The following RAB31 variants were observed in gnomAD, a reference collection of about 807,000 sequenced individuals.
RAB31 encodes the protein RAB31, member RAS oncogene family, also known as ras-related protein Rab-31.
RAB31 carries 21 observed loss-of-function variants against 25.6 expected under a neutral mutation model. That is an observed-to-expected ratio of 0.82 (90% CI 0.58 to 1.18). The LOEUF (loss-of-function observed/expected upper bound fraction) is 1.18. Ranked by LOEUF, RAB31 falls within the 50% of genes most tolerant of loss-of-function variation. The pLI is 0.00. For synonymous variants in RAB31, 87 were observed against 84.0 expected (o/e 1.04, Z -0.20); for missense variants, 196 against 250.1 (o/e 0.78, Z 1.46).
At position 9,766,725 on chromosome 18, in the gene RAB31, T is replaced by C. The variant is rs1182726019; in HGVS notation, c.40-8553T>C. ...ATCTCAGCACTTTGGGAGGCTGAGGTGGGGATCGCTTGAGGCCAGGAGTTT... is the reference window on the plus strand; with the variant it reads ...ATCTCAGCACTTTGGGAGGCTGAGGCGGGGATCGCTTGAGGCCAGGAGTTT... On this transcript the variant is annotated intron_variant, in intron 1 of 6. Transcript: ENST00000578921. This position sits in a 1 kb window ranked among gnomAD's most constrained non-coding sequence, Gnocchi z 4.3. 6.6e-6 allele frequency among the ~76,000 whole-genome samples: 1 copy of C among 151,984 alleles called. No homozygotes were observed. The highest frequency in any genetic ancestry group is 6.6e-5 in the Admixed American group (1 of 15,256).
In RAB31 at chr18:9,788,574, A is replaced by G. The variant is rs139805393; in HGVS notation, c.120-3580A>G. 5.9e-5 allele frequency among the ~76,000 whole-genome samples: 9 copies of G among 152,350 alleles called. No individual in the cohort carries two copies. In the East Asian group the frequency reaches 1.7e-3, roughly 29 times the overall value. ...TGGGTATTTATGCAAAGGAGAGTGA[A>G]TCACTATATCAAAGGGATACCTGCA... is the stretch of plus-strand genomic sequence containing the variant. On this transcript the variant is annotated intron_variant, in intron 2 of 6. Coordinates refer to ENST00000578921, the MANE Select transcript of RAB31 (RefSeq NM_006868.4).
At chr18:9,792,104 T>C (rs1726072297) in intron 2 of RAB31, 50 bp from the exon 3 acceptor site, 3 of 1,560,300 alleles carry the variant, frequency 1.9e-6, no homozygotes, top group Non-Finnish European at 2.6e-6. Flanking sequence ...TTGTGAATCT[T>C]TGTGAAGAAA....
At chr18:9,804,417 T>C (rs1204207313) in intron 3 of RAB31, among the ~76,000 whole-genome samples, 3 of 152,180 alleles carry the variant, frequency 2.0e-5, no homozygotes, top group African/African-American at 4.8e-5. Flanking sequence ...AAGTTTCCAT[T>C]CTGCCAACTC....
intron 5 of RAB31, among the ~76,000 whole-genome samples, chr18:9,829,539 T>A (rs1035864672): frequency 2.6e-5 from 4 of 152,232 alleles, no homozygotes; most frequent in African/African-American, 9.6e-5. Flanking sequence ...TGTGTAAGCA[T>A]TTCTCTGGAC....
rs1213683135 is a variant in RAB31 at position 9,766,926 on chromosome 18, C to T, written c.40-8352C>T. On this transcript the variant is annotated intron_variant, in intron 1 of 6. Coordinates refer to ENST00000578921, the MANE Select transcript of RAB31 (RefSeq NM_006868.4). This position sits in a 1 kb window ranked among gnomAD's most constrained non-coding sequence, Gnocchi z 4.3. Reference sequence around the variant, plus strand: ...GAGCCGATGTTGTGCCACTGTAATCCAGCCTGGGTGACAGAGTGAGATCTT... The same window carrying T: ...GAGCCGATGTTGTGCCACTGTAATCTAGCCTGGGTGACAGAGTGAGATCTT... Among the ~76,000 whole-genome samples the T allele has an allele frequency of 6.6e-6, 1 of 152,152 alleles. No individual in the cohort carries two copies. Among genetic ancestry groups the T allele is most frequent in the Non-Finnish European group, 1.5e-5 (1 of 68,024 alleles).
rs536517639 is a variant in RAB31 at position 9,746,000 on chromosome 18, T to C, written c.40-29278T>C. 4.1e-4 allele frequency among the ~76,000 whole-genome samples: 63 copies of C among 152,334 alleles called. 1 individual carries two copies. The South Asian group carries it at 0.012, about 30-fold the overall frequency. ...AAAACTATCTCTGTTGCAGGTGATA[T>C]GGTCCTAGATATAGAAAATTTCAAA... On this transcript the variant is annotated intron_variant, in intron 1 of 6. Coordinates refer to ENST00000578921, the MANE Select transcript of RAB31 (RefSeq NM_006868.4).
intron 5 of RAB31, among the ~76,000 whole-genome samples, chr18:9,836,620 T>C (rs1048638521): frequency 2.0e-5 from 3 of 152,226 alleles, no homozygotes; most frequent in Non-Finnish European, 4.4e-5. Context: ...ACAGTGTAGA[T>C]TTCTGGGGCT....
intron 6 of RAB31, among the ~76,000 whole-genome samples, chr18:9,851,391 C>T (rs561102): frequency 0.64 from 97,698 of 152,054 alleles, 31,441 homozygotes; most frequent in South Asian, 0.75. Flanking sequence ...TTAATATGTA[C>T]GGAGCTCTGA....
At chr18:9,795,132 A>C (rs1207868507) in intron 3 of RAB31, among the ~76,000 whole-genome samples, 1 of 152,178 alleles carries the variant, frequency 6.6e-6, no homozygotes, top group East Asian at 1.9e-4. Flanking sequence ...CAAAAACATA[A>C]AGTGGGAAAT....
chr18:9,775,403 G>T, intron 2 of RAB31, 46 bp downstream of exon 2: 1 of 1,610,236 alleles, frequency 6.2e-7, no homozygotes, highest in Non-Finnish European at 8.5e-7. Context: ...TCCTTTCACG[G>T]CATCAGAATG....
intron 5 of RAB31, among the ~76,000 whole-genome samples, chr18:9,820,830 A>T (rs1028210403): frequency 9.2e-5 from 14 of 151,532 alleles, no homozygotes; most frequent in Non-Finnish European, 3.0e-5. Context: ...AGTTTTGTTG[A>T]CCTTTTCAAA....
chr18:9,776,197 T>C (rs1305589688), intron 2 of RAB31, among the ~76,000 whole-genome samples: 2 of 152,238 alleles, frequency 1.3e-5, no homozygotes, highest in Non-Finnish European at 2.9e-5. Context: ...TGTTTTCCTG[T>C]TCATCTCCCC....
chr18:9,856,508 G>C (rs2068816808), intron 6 of RAB31, among the ~76,000 whole-genome samples: 1 of 152,134 alleles, frequency 6.6e-6, no homozygotes, highest in South Asian at 2.1e-4. Flanking sequence ...ATGAAAACAA[G>C]ACATGAGGGA....
intron 5 of RAB31, among the ~76,000 whole-genome samples, chr18:9,820,378 T>C (rs1469593010): frequency 6.6e-6 from 1 of 152,108 alleles, no homozygotes; most frequent in Non-Finnish European, 1.5e-5. Context: ...ATAATCCTTT[T>C]TATACATTGC....
intron 3 of RAB31, 84 bp from the exon 4 acceptor site, chr18:9,813,936 T>G: frequency 1.1e-6 from 1 of 871,880 alleles, no homozygotes; most frequent in Middle Eastern, 2.2e-4. Flanking sequence ...GTAAGGATGA[T>G]GTAGGATAAA....
intron 6 of RAB31, among the ~76,000 whole-genome samples, chr18:9,856,833 C>T (rs969443873): frequency 2.0e-5 from 3 of 152,154 alleles, no homozygotes; most frequent in African/African-American, 7.2e-5. Context: ...ACACTGTCAC[C>T]CCTTTCTCTT....
chr18:9,727,134 G>A (rs1404020497), intron 1 of RAB31, among the ~76,000 whole-genome samples: 3 of 152,196 alleles, frequency 2.0e-5, no homozygotes, highest in Non-Finnish European at 4.4e-5. Flanking sequence ...CTGGCCTGGG[G>A]AGATGGGCTG....
chr18:9,858,093 A>G (rs2068828293), intron 6 of RAB31, among the ~76,000 whole-genome samples: 1 of 152,176 alleles, frequency 6.6e-6, no homozygotes, highest in Admixed American at 6.5e-5. Context: ...GGGCATAGAA[A>G]AGTAGCAAAG....
At chr18:9,772,782 T>G (rs2068351795) in intron 1 of RAB31, among the ~76,000 whole-genome samples, 1 of 152,128 alleles carries the variant, frequency 6.6e-6, no homozygotes, top group African/African-American at 2.4e-5. Flanking sequence ...TTCCTAATCT[T>G]CAAGGGCAGG....
Sources: allele counts gnomAD v4.1 joint callset (sites outside exome capture counted in the v4.1 genomes callset), GRCh38; gene constraint gnomAD v4.1.1; non-coding constraint Gnocchi (gnomAD v3.1); transcripts MANE v1.5; gene names NCBI Gene and HGNC (gene_info 2026-07-23, HGNC 2026-07-21).